The following PLSCR2 variants were observed in gnomAD, a reference collection of about 807,000 sequenced individuals.
The protein encoded by PLSCR2 is phospholipid scramblase 2.
A neutral mutation model predicts 25.3 loss-of-function variants in PLSCR2; 18 were observed. That is an observed-to-expected ratio of 0.71 (90% confidence interval 0.49 to 1.06). PLSCR2 has a LOEUF of 1.06. Among genes scored for constraint, PLSCR2 ranks in the 50% least tolerant of loss-of-function variants. The probability of loss-of-function intolerance (pLI) is 0.00; values close to 1 mark genes in which losing one functional copy is unlikely to be tolerated. For missense variants in PLSCR2, 243 were observed against 269.5 expected (o/e 0.90, Z 0.69); for synonymous variants, 88 against 87.3 (o/e 1.01, Z -0.04).
intron 2 of PLSCR2, among the ~76,000 whole-genome samples, chr3:146,423,271 CTCTCTCTCTCT>C (rs1559981776): frequency 0.013 from 1,931 of 145,356 alleles, 123 homozygotes; most frequent in African/African-American, 0.047. Context: ...CTCTCTCTCT[CTCTCTCTCTCT>C]CCCTGGCTAG....
intron 5 of PLSCR2, 73 bp from the exon 6 acceptor site, chr3:146,449,440 T>A: frequency 2.0e-6 from 2 of 999,152 alleles, no homozygotes; most frequent in Non-Finnish European, 3.0e-6. Flanking sequence ...AACACTGGAG[T>A]AAAAGGAAGG....
intron 1 of PLSCR2, chr3:146,494,627 A>G (rs904609531): frequency 6.6e-6 from 1 of 152,178 alleles, no homozygotes; most frequent in Non-Finnish European, 1.5e-5. Context: ...TTGATAAAGT[A>G]ATATATTGCT....
At chr3:146,393,027 C>CTT (rs1296969192) in intron 3 of PLSCR2, among the ~76,000 whole-genome samples, 6,502 of 104,394 alleles carry the variant, frequency 0.062, 571 homozygotes, top group Non-Finnish European at 0.09. Flanking sequence ...ATTTACATTC[C>CTT]TTTTTTTTTT....
chr3:146,434,222 A>G (rs2039686827), intron 8 of PLSCR2, among the ~76,000 whole-genome samples: 2 of 152,226 alleles, frequency 1.3e-5, no homozygotes, highest in African/African-American at 4.8e-5. Flanking sequence ...ACAAAAATAT[A>G]ATAATATATA....
intron 2 of PLSCR2, among the ~76,000 whole-genome samples, chr3:146,418,013 G>A (rs1345042724): frequency 6.6e-6 from 1 of 152,024 alleles, no homozygotes; most frequent in Non-Finnish European, 1.5e-5. Context: ...TTTACCTTCT[G>A]ATCTTGTATT....
chr3:146,392,993 GC>G (rs2038137257), intron 3 of PLSCR2, among the ~76,000 whole-genome samples: 1 of 140,206 alleles, frequency 7.1e-6, no homozygotes, highest in South Asian at 2.3e-4. Flanking sequence ...TTTTGTTACG[GC>G]TTTTTAAAAA....
intron 2 of PLSCR2, among the ~76,000 whole-genome samples, chr3:146,410,905 C>G (rs1230606764): frequency 1.3e-5 from 2 of 152,170 alleles, no homozygotes; most frequent in East Asian, 1.9e-4. Flanking sequence ...AAACCCCCGG[C>G]TCAGATCAAG....
Sources: gnomAD v4.1 joint callset for allele counts (sites outside exome capture counted in the v4.1 genomes callset) on GRCh38, gnomAD v4.1.1 for gene constraint, MANE v1.5 for transcripts, NCBI Gene and HGNC (gene_info 2026-07-23, HGNC 2026-07-21) for gene names.